KAT2B: variants seen among roughly 807,000 people sequenced by gnomAD.
KAT2B encodes lysine acetyltransferase 2B.
KAT2B carries 36 observed loss-of-function variants against 105.9 expected under a neutral mutation model. That is an observed-to-expected ratio of 0.34 (90% CI 0.26 to 0.45). KAT2B has a LOEUF of 0.45. Among genes scored for constraint, KAT2B ranks in the 20% least tolerant of loss-of-function variants. The pLI is 1.00. For synonymous variants in KAT2B, 397 were observed against 377.9 expected, an observed-to-expected ratio of 1.05 and a Z score of -0.59; for missense variants, 820 against 1,021.6, an observed-to-expected ratio of 0.80 and a Z score of 2.69.
chr3:20,110,930 C>T (rs759705157), intron 5 of KAT2B, among the ~76,000 whole-genome samples: 7 of 152,064 alleles, frequency 4.6e-5, no homozygotes, highest in South Asian at 4.2e-4. Context: ...TGTACCTAGG[C>T]GACAAATGGT....
chr3:20,148,503 T>C lies in KAT2B; in HGVS notation c.2305+16T>C. ...TTCCCCATGGGTAATACCATTAACA[T>C]TTTCTAAGTATAGATTTAAAACTCT... On this transcript the variant is annotated intron_variant, in intron 17 of 17. Transcript: ENST00000263754. 6.5e-7 allele frequency: 1 copy of C among 1,533,066 alleles called. No individual in the cohort carries two copies. Among genetic ancestry groups the C allele is most frequent in the African/African-American group, 1.4e-5 (1 of 71,612 alleles). The allele number at this position is 1,533,066 out of a possible 1,614,324, so 95.0% of individuals were successfully genotyped here.
chr3:20,099,341 A>G (rs1415794104), intron 3 of KAT2B, among the ~76,000 whole-genome samples: 2 of 152,206 alleles, frequency 1.3e-5, no homozygotes, highest in Non-Finnish European at 2.9e-5. Flanking sequence ...GATGATGCGT[A>G]TGCCGTGCAG....
chr3:20,061,740 A>G (rs1315513312), intron 1 of KAT2B, among the ~76,000 whole-genome samples: 1 of 140,366 alleles, frequency 7.1e-6, no homozygotes, highest in African/African-American at 2.6e-5. Flanking sequence ...AAAATAATAT[A>G]TATGAAAAAA....
At chr3:20,072,966 A>G (rs1183901981) in intron 2 of KAT2B, among the ~76,000 whole-genome samples, 1 of 151,826 alleles carries the variant, frequency 6.6e-6, no homozygotes, top group African/African-American at 2.4e-5. Flanking sequence ...TGTTTATTGA[A>G]TGTTTACTGG....
chr3:20,081,338 A>C (rs548501456), intron 2 of KAT2B, among the ~76,000 whole-genome samples: 2 of 152,292 alleles, frequency 1.3e-5, no homozygotes, highest in East Asian at 3.9e-4. Context: ...AGTGAGGGTC[A>C]CGGCACACAG....
At chr3:20,049,986 G>A (rs774884336) in intron 1 of KAT2B, among the ~76,000 whole-genome samples, 5 of 152,154 alleles carry the variant, frequency 3.3e-5, no homozygotes, top group Non-Finnish European at 5.9e-5. Context: ...GATCGCTTGA[G>A]CTCAGGAGTT....
intron 1 of KAT2B, among the ~76,000 whole-genome samples, chr3:20,058,944 T>C (rs1020467968): frequency 1.3e-5 from 2 of 152,142 alleles, no homozygotes; most frequent in African/African-American, 4.8e-5. Context: ...CGACACCCAC[T>C]GAATCTTAAT....
At chr3:20,043,192 C>A (rs146499925) in intron 1 of KAT2B, among the ~76,000 whole-genome samples, 1 of 152,272 alleles carries the variant, frequency 6.6e-6, no homozygotes, top group East Asian at 1.9e-4. Flanking sequence ...GCATGGGCCA[C>A]CATGCCTGGC....
intron 11 of KAT2B, among the ~76,000 whole-genome samples, chr3:20,134,363 A>T (rs898725592): frequency 5.3e-5 from 8 of 151,932 alleles, no homozygotes; most frequent in African/African-American, 1.9e-4. Context: ...CACCTTGATT[A>T]TGGTCTTTTT....
At chr3:20,062,180 T>TAAA (rs1475371649) in intron 1 of KAT2B, among the ~76,000 whole-genome samples, 6,415 of 73,176 alleles carry the variant, frequency 0.088, 619 homozygotes, top group Non-Finnish European at 0.11. Flanking sequence ...ATATAATATA[T>TAAA]AATATATAAA....
chr3:20,105,903 A>G (rs2125160339), intron 5 of KAT2B, among the ~76,000 whole-genome samples: 1 of 152,200 alleles, frequency 6.6e-6, no homozygotes, highest in South Asian at 2.1e-4. Flanking sequence ...CCATTCTTCT[A>G]TGATGTACAG....
chr3:20,149,483 G>A (rs1345010923), intron 17 of KAT2B, among the ~76,000 whole-genome samples: 1 of 64,498 alleles, frequency 1.6e-5, no homozygotes, highest in Non-Finnish European at 2.5e-5. Context: ...GCACTGGAGG[G>A]AGACCGTATC....
intron 1 of KAT2B, among the ~76,000 whole-genome samples, chr3:20,061,959 A>T (rs1162841721): frequency 8.7e-6 from 1 of 114,446 alleles, no homozygotes; most frequent in Admixed American, 1.2e-4. Flanking sequence ...TTATATATAA[A>T]ACATAATATA....
chr3:20,040,870 C>CCGCCTCCTGCCTCT, intron 1 of KAT2B, 90 bp downstream of exon 1: 2 of 1,380,906 alleles, frequency 1.4e-6, no homozygotes, highest in East Asian at 2.9e-5. Context: ...CCTCCGCCTC[C>CCGCCTCCTGCCTCT]CGCCTCCTGC....
chr3:20,122,013 T>C (rs1327585324), intron 8 of KAT2B, among the ~76,000 whole-genome samples: 1 of 151,988 alleles, frequency 6.6e-6, no homozygotes, highest in Non-Finnish European at 1.5e-5. Flanking sequence ...CGTACATATA[T>C]GGTGGGGTGC....
At chr3:20,045,869 A>AT (rs1240395344) in intron 1 of KAT2B, among the ~76,000 whole-genome samples, 2 of 152,242 alleles carry the variant, frequency 1.3e-5, no homozygotes, top group Non-Finnish European at 2.9e-5. Flanking sequence ...AATGGGCTGT[A>AT]TTAGACATCC....
At chr3:20,133,212 G>A (rs1462569426) in intron 11 of KAT2B, among the ~76,000 whole-genome samples, 2 of 152,134 alleles carry the variant, frequency 1.3e-5, no homozygotes, top group Admixed American at 1.3e-4. Flanking sequence ...ACAGGTAAGA[G>A]GTGACTGTGT....
chr3:20,130,399 C>T (rs1699488426), intron 11 of KAT2B, among the ~76,000 whole-genome samples: 1 of 152,136 alleles, frequency 6.6e-6, no homozygotes, highest in Non-Finnish European at 1.5e-5. Context: ...GCCAAAGTGA[C>T]AAATGTCCAG....
chr3:20,101,564 C>T (rs1456229252), intron 5 of KAT2B, 96 bp downstream of exon 5: 2 of 865,758 alleles, frequency 2.3e-6, no homozygotes, highest in East Asian at 2.5e-5. Context: ...GCCTAGTTAT[C>T]ATTATGACTC....
Sources: gnomAD v4.1 joint callset for allele counts (sites outside exome capture counted in the v4.1 genomes callset) on GRCh38, gnomAD v4.1.1 for gene constraint, MANE v1.5 for transcripts, NCBI Gene and HGNC (gene_info 2026-07-23, HGNC 2026-07-21) for gene names.